POU6F2: variants seen among roughly 807,000 people sequenced by gnomAD.
The protein encoded by POU6F2 is POU domain, class 6, transcription factor 2.
Under a neutral mutation model 71.3 loss-of-function variants are expected in POU6F2, and 31 were observed. The observed-to-expected ratio is 0.43, with a 90% CI of 0.33 to 0.59. The LOEUF (loss-of-function observed/expected upper bound fraction) is 0.59, where lower values mean the gene tolerates loss of function less well. Among genes scored for constraint, POU6F2 ranks in the 20% least tolerant of loss-of-function variants. The probability of loss-of-function intolerance (pLI) is 0.04; values close to 1 mark genes in which losing one functional copy is unlikely to be tolerated. For synonymous variants in POU6F2, 347 were observed against 355.7 expected (o/e 0.98, Z 0.27); for missense variants, 783 against 856.8 (o/e 0.91, Z 1.07).
intron 4 of POU6F2, among the ~76,000 whole-genome samples, chr7:39,220,110 G>C (rs1794319335): frequency 6.6e-6 from 1 of 152,122 alleles, no homozygotes. Flanking sequence ...TATTGTATAA[G>C]CCACATTCAG....
chr7:39,028,227 A>G (rs1364230906), intron 1 of POU6F2, among the ~76,000 whole-genome samples: 3 of 151,992 alleles, frequency 2.0e-5, no homozygotes, highest in Admixed American at 2.0e-4. Context: ...TTTGTCAGTT[A>G]TGTTCATTCT....
At chr7:39,380,641 T>G (rs906881611) in intron 5 of POU6F2, among the ~76,000 whole-genome samples, 8 of 152,348 alleles carry the variant, frequency 5.3e-5, no homozygotes, top group African/African-American at 1.4e-4. Context: ...TTGAAATGTC[T>G]TTTACCTATT....
chr7:39,085,395 G>T (rs1035082664), intron 1 of POU6F2, among the ~76,000 whole-genome samples: 1 of 151,818 alleles, frequency 6.6e-6, no homozygotes, highest in Non-Finnish European at 1.5e-5. Flanking sequence ...CCGGGGAGAA[G>T]GCTTCTTAAA....
chr7:39,103,694 GT>G (rs1791620615), intron 2 of POU6F2, among the ~76,000 whole-genome samples: 1 of 152,122 alleles, frequency 6.6e-6, no homozygotes, highest in South Asian at 2.1e-4. Flanking sequence ...TCTGTTTCTA[GT>G]TTTTGCTTTA....
At position 39,370,391 on chromosome 7, in the gene POU6F2, A is replaced by G. The variant is rs1270981116; in HGVS notation, c.972+30376A>G. ...GCTCTCAAAGACCCAAAGAGGAGCC[A>G]ACTGAGAACTGAAAGTGTCCAAGAG... On this transcript the variant is annotated intron_variant, in intron 5 of 9. Transcript: ENST00000518318. Among the ~76,000 whole-genome samples, 3 of 152,240 alleles carry G rather than the reference A, an allele frequency of 2.0e-5. No individual in the cohort carries two copies. In the East Asian group the frequency reaches 5.8e-4, roughly 29 times the overall value.
chr7:39,444,413 G>T (rs766235337), intron 7 of POU6F2, among the ~76,000 whole-genome samples: 1 of 152,194 alleles, frequency 6.6e-6, no homozygotes, highest in African/African-American at 2.4e-5. Context: ...GTGAAACCCC[G>T]TCTCTACTAA....
intron 4 of POU6F2, among the ~76,000 whole-genome samples, chr7:39,309,700 T>G (rs1785123117): frequency 6.6e-6 from 1 of 152,242 alleles, no homozygotes; most frequent in Non-Finnish European, 1.5e-5. Flanking sequence ...AAGGTTACCT[T>G]TCCTGTACAA....
intron 1 of POU6F2, among the ~76,000 whole-genome samples, chr7:39,036,602 T>C (rs534145971): frequency 2.2e-4 from 34 of 152,142 alleles, no homozygotes; most frequent in Admixed American, 5.9e-4. Context: ...GTTATGATTC[T>C]TAGTTTTCAG....
chr7:39,082,873 G>A (rs981669466), intron 1 of POU6F2, among the ~76,000 whole-genome samples: 1 of 149,514 alleles, frequency 6.7e-6, no homozygotes, highest in Non-Finnish European at 1.5e-5. Context: ...TATGGAAAAC[G>A]TAAAGTGTTT....
chr7:39,217,318 A>G (rs535686046), intron 4 of POU6F2, among the ~76,000 whole-genome samples: 3 of 151,312 alleles, frequency 2.0e-5, no homozygotes, highest in Non-Finnish European at 4.4e-5. Context: ...TCGAAGGAGA[A>G]ATTGCTGGCA....
intron 2 of POU6F2, among the ~76,000 whole-genome samples, chr7:39,163,723 T>C (rs919166387): frequency 2.6e-5 from 4 of 152,230 alleles, no homozygotes; most frequent in Admixed American, 1.3e-4. Context: ...CCCATGTTCA[T>C]TGTAGCACTA....
At chr7:39,150,050 TA>T (rs1584569082) in intron 2 of POU6F2, among the ~76,000 whole-genome samples, 1 of 152,102 alleles carries the variant, frequency 6.6e-6, no homozygotes, top group Non-Finnish European at 1.5e-5. Context: ...CACGCCCAGC[TA>T]ATTTTTTTTA....
intron 4 of POU6F2, among the ~76,000 whole-genome samples, chr7:39,250,233 GCTTTA>G (rs1783891069): frequency 6.6e-6 from 1 of 152,136 alleles, no homozygotes; most frequent in African/African-American, 2.4e-5. Flanking sequence ...GTAAAACTCA[GCTTTA>G]TGGAAAACAG....
chr7:39,444,186 AT>A (rs1219856864), intron 7 of POU6F2, among the ~76,000 whole-genome samples: 2 of 133,072 alleles, frequency 1.5e-5, no homozygotes, highest in African/African-American at 6.2e-5. Context: ...TGTAAACAGT[AT>A]TTTTTTAAAA....
chr7:38,979,119 A>C (rs1040547645), intron 1 of POU6F2, among the ~76,000 whole-genome samples: 4 of 152,034 alleles, frequency 2.6e-5, no homozygotes, highest in African/African-American at 9.7e-5. Flanking sequence ...TTTTTGACTA[A>C]ATTTTTCTAA....
At chr7:39,103,134 T>G (rs1355737708) in intron 2 of POU6F2, among the ~76,000 whole-genome samples, 1 of 152,222 alleles carries the variant, frequency 6.6e-6, no homozygotes, top group Non-Finnish European at 1.5e-5. Flanking sequence ...TGGTGAGAAG[T>G]TAGACAGAAT....
At position 39,293,164 on chromosome 7, in the gene POU6F2, G is replaced by A. The variant is rs146371647; in HGVS notation, c.599-46478G>A. 3.4e-3 allele frequency among the ~76,000 whole-genome samples: 512 copies of A among 152,278 alleles called. 3 individuals carry two copies. Among genetic ancestry groups the A allele is most frequent in the African/African-American group, 0.011 (441 of 41,556 alleles). On this transcript the variant is annotated intron_variant, in intron 4 of 9. Transcript: ENST00000518318. Reference sequence around the variant, plus strand: ...GCGCCTGCCTCTGCCCGGCCCCGACGGTGCCAGGCTCCTCTCTGCTGCGGG... The same window carrying A: ...GCGCCTGCCTCTGCCCGGCCCCGACAGTGCCAGGCTCCTCTCTGCTGCGGG...
At chr7:39,315,005 A>G (rs894552081) in intron 4 of POU6F2, among the ~76,000 whole-genome samples, 1 of 152,216 alleles carries the variant, frequency 6.6e-6, no homozygotes, top group Non-Finnish European at 1.5e-5. Flanking sequence ...TCTTACCTGT[A>G]ACACTGCACT....
At chr7:39,159,234 T>C (rs368594309) in intron 2 of POU6F2, among the ~76,000 whole-genome samples, 2 of 152,094 alleles carry the variant, frequency 1.3e-5, no homozygotes, top group African/African-American at 4.8e-5. Flanking sequence ...AGTGTCACAT[T>C]ATTGTTTTTC....
Sources: gnomAD v4.1 joint callset for allele counts (sites outside exome capture counted in the v4.1 genomes callset) on GRCh38, gnomAD v4.1.1 for gene constraint, MANE v1.5 for transcripts, NCBI Gene and HGNC (gene_info 2026-07-23, HGNC 2026-07-21) for gene names.